The following GPC6 variants were observed in gnomAD, a reference collection of about 807,000 sequenced individuals.
GPC6 encodes the protein glypican 6.
In GPC6, 14 loss-of-function variants were observed where a neutral mutation model predicts 55.2. The observed-to-expected ratio is 0.25, with a 90% CI of 0.17 to 0.40. The LOEUF is 0.40. GPC6 is among the 10% of genes least tolerant of loss of function. The probability of loss-of-function intolerance (pLI) is 1.00; values close to 1 mark genes in which losing one functional copy is unlikely to be tolerated. For missense variants in GPC6, 641 were observed against 708.5 expected, an observed-to-expected ratio of 0.90 and a Z score of 1.08; for synonymous variants, 278 against 259.6, an observed-to-expected ratio of 1.07 and a Z score of -0.68.
chr13:94,170,481 C>T (rs1355287033), intron 4 of GPC6, among the ~76,000 whole-genome samples: 7 of 152,174 alleles, frequency 4.6e-5, no homozygotes, highest in African/African-American at 1.7e-4. Flanking sequence ...CCGCTGTGTG[C>T]TGGCCATTGG....
At chr13:93,757,349 C>T (rs1884807334) in intron 2 of GPC6, among the ~76,000 whole-genome samples, 1 of 152,128 alleles carries the variant, frequency 6.6e-6, no homozygotes, top group African/African-American at 2.4e-5. Context: ...AAGGGGGCAT[C>T]CGGGCCTTTG....
At chr13:94,243,305 AC>A (rs1439967127) in intron 4 of GPC6, among the ~76,000 whole-genome samples, 1 of 152,130 alleles carries the variant, frequency 6.6e-6, no homozygotes, top group African/African-American at 2.4e-5. Context: ...AAAATTATGT[AC>A]ATTCTCAGGG....
chr13:93,960,858 G>A (rs920062257), intron 3 of GPC6, among the ~76,000 whole-genome samples: 1 of 148,784 alleles, frequency 6.7e-6, no homozygotes, highest in Non-Finnish European at 1.5e-5. Context: ...TGTCGCCCAG[G>A]CTAGAGTGCA....
At chr13:93,623,107 T>C (rs1879028058) in intron 2 of GPC6, among the ~76,000 whole-genome samples, 1 of 152,218 alleles carries the variant, frequency 6.6e-6, no homozygotes, top group African/African-American at 2.4e-5. Flanking sequence ...TTCTTATGGA[T>C]GAGTAGTATT....
chr13:93,755,288 C>G (rs1884730701), intron 2 of GPC6, among the ~76,000 whole-genome samples: 2 of 137,134 alleles, frequency 1.5e-5, no homozygotes, highest in South Asian at 5.9e-4. Flanking sequence ...AGGAAGCATC[C>G]TCCTTCAGTG....
chr13:93,496,503 G>A (rs570629347), intron 1 of GPC6, among the ~76,000 whole-genome samples: 14 of 152,280 alleles, frequency 9.2e-5, no homozygotes, highest in African/African-American at 3.1e-4. Flanking sequence ...GCTGTAGACC[G>A]GAGCTGTTCC....
intron 1 of GPC6, among the ~76,000 whole-genome samples, chr13:93,463,026 A>G (rs1237207140): frequency 6.6e-6 from 1 of 152,138 alleles, no homozygotes; most frequent in Non-Finnish European, 1.5e-5. Flanking sequence ...AATTAGGACA[A>G]TCTTTTTTGT....
At position 94,277,932 on chromosome 13, in the gene GPC6, T is replaced by C. The variant is rs1892262137; in HGVS notation, c.878-8417T>C. ...TTGTCTTGGATGGGTCTTCTTTGAT[T>C]CCATATGTAATTTAAAGTAGTTTTT... On this transcript the variant is annotated intron_variant, in intron 4 of 8. Coordinates refer to ENST00000377047, the MANE Select transcript of GPC6 (RefSeq NM_005708.5). Among the ~76,000 whole-genome samples, 3 of 152,320 alleles carry C rather than the reference T, an allele frequency of 2.0e-5. No homozygotes were observed. The South Asian group carries it at 6.2e-4, about 32-fold the overall frequency.
intron 5 of GPC6, among the ~76,000 whole-genome samples, chr13:94,303,683 T>A (rs936160675): frequency 6.6e-6 from 1 of 150,684 alleles, no homozygotes; most frequent in African/African-American, 2.4e-5. Flanking sequence ...GAAGCTATCT[T>A]CAACATCCAA....
chr13:93,695,275 T>G (rs1882411056), intron 2 of GPC6, among the ~76,000 whole-genome samples: 1 of 152,080 alleles, frequency 6.6e-6, no homozygotes, highest in African/African-American at 2.4e-5. Flanking sequence ...ATTTACTTAC[T>G]TTTTAAAATT....
intron 3 of GPC6, among the ~76,000 whole-genome samples, chr13:93,940,448 GAATGGATGAATATCAGACAT>G (rs1878679273): frequency 5.3e-5 from 8 of 151,740 alleles, no homozygotes; most frequent in Admixed American, 2.6e-4. Flanking sequence ...ATGGATGGAT[GAATGGATGAATATCAGACAT>G]AATGGATGAA....
intron 4 of GPC6, among the ~76,000 whole-genome samples, chr13:94,199,007 C>A (rs934011645): frequency 3.3e-5 from 5 of 152,116 alleles, no homozygotes; most frequent in African/African-American, 1.2e-4. Flanking sequence ...ATCAGACAAG[C>A]CAGTAGAACC....
chr13:93,230,468 G>A (rs1027469567), intron 1 of GPC6, among the ~76,000 whole-genome samples: 1 of 152,106 alleles, frequency 6.6e-6, no homozygotes. Context: ...TTAAACCATG[G>A]CAAGGAGATC....
At chr13:93,332,549 A>C (rs1406575257) in intron 1 of GPC6, among the ~76,000 whole-genome samples, 40 of 152,044 alleles carry the variant, frequency 2.6e-4, no homozygotes, top group Admixed American at 2.6e-3. Context: ...CCATTTAAAA[A>C]ATTGGAGTAT....
At chr13:93,789,598 C>CATATATATATAT (rs755185604) in intron 2 of GPC6, among the ~76,000 whole-genome samples, 4 of 67,700 alleles carry the variant, frequency 5.9e-5, no homozygotes, top group South Asian at 4.7e-4. Flanking sequence ...TATAATACTA[C>CATATATATATAT]ATATATATAT....
rs546138778 is a variant in GPC6 at position 94,150,074 on chromosome 13, A to G, written c.877+122180A>G. ...ATGAACTTCCTTCCCAATCCTCCCA[A>G]CCAAGCCCTTCTTGGTGCCCCTTAT... On this transcript the variant is annotated intron_variant, in intron 4 of 8. Coordinates refer to ENST00000377047, the MANE Select transcript of GPC6 (RefSeq NM_005708.5). Among the ~76,000 whole-genome samples, 3 of 152,128 alleles carry G rather than the reference A, an allele frequency of 2.0e-5. No homozygotes were observed. The East Asian group carries it at 5.8e-4, about 30-fold the overall frequency.
intron 3 of GPC6, among the ~76,000 whole-genome samples, chr13:93,890,290 T>G (rs1875590637): frequency 6.6e-6 from 1 of 152,140 alleles, no homozygotes; most frequent in African/African-American, 2.4e-5. Context: ...AGGTTTACCT[T>G]AGGTAATTTC....
At chr13:94,393,817 G>A (rs1489989695) in intron 7 of GPC6, among the ~76,000 whole-genome samples, 1 of 152,118 alleles carries the variant, frequency 6.6e-6, no homozygotes, top group Non-Finnish European at 1.5e-5. Flanking sequence ...AATATGCAGT[G>A]CCTTACATCA....
intron 4 of GPC6, among the ~76,000 whole-genome samples, chr13:94,151,171 G>T (rs1428410985): frequency 1.3e-5 from 2 of 151,830 alleles, no homozygotes; most frequent in African/African-American, 2.4e-5. Context: ...CTTACTGAAT[G>T]GTCTAATGCT....
Sources: gnomAD v4.1 joint callset for allele counts (sites outside exome capture counted in the v4.1 genomes callset) on GRCh38, gnomAD v4.1.1 for gene constraint, MANE v1.5 for transcripts, NCBI Gene and HGNC (gene_info 2026-07-23, HGNC 2026-07-21) for gene names.